Variants in SIAH3 observed in about 807,000 individuals in gnomAD.
SIAH3 encodes the protein seven in absentia homolog 3.
Under a neutral mutation model 12.6 loss-of-function variants are expected in SIAH3, and 9 were observed. The ratio of observed to expected loss-of-function variants is 0.72; its 90% CI spans 0.43 to 1.25. The LOEUF (loss-of-function observed/expected upper bound fraction) is 1.25. Among genes scored for constraint, SIAH3 ranks in the 50% most tolerant of loss-of-function variants. The probability of loss-of-function intolerance (pLI) is 0.00; values close to 1 mark genes in which losing one functional copy is unlikely to be tolerated. For missense variants in SIAH3, 390 were observed against 365.4 expected (o/e 1.07, Z -0.55); for synonymous variants, 154 against 151.1 (o/e 1.02, Z -0.14).
At chr13:45,819,977 C>T (rs1045483510) in intron 1 of SIAH3, among the ~76,000 whole-genome samples, 2 of 152,142 alleles carry the variant, frequency 1.3e-5, no homozygotes, top group African/African-American at 2.4e-5. Flanking sequence ...GATGGTGCCT[C>T]GCTGCTGCAT....
At chr13:45,849,058 T>C (rs879630926) in intron 1 of SIAH3, among the ~76,000 whole-genome samples, 1 of 152,224 alleles carries the variant, frequency 6.6e-6, no homozygotes, top group African/African-American at 2.4e-5. Context: ...CCTATGGAGT[T>C]AGTCCTTTTA....
At position 45,781,661 on chromosome 13, in the gene SIAH3, C is replaced by T. The variant is rs1227166170; in HGVS notation, c.*1722G>A. ...AGCGATTACTGTGTGACCAGAGCAG[C>T]CTCTGTTATTAAATCTTGTATCGAC... On this transcript the variant is annotated 3_prime_UTR_variant, in exon 2 of 2. Transcript: ENST00000400405. 6.6e-6 allele frequency: 1 copy of T among 152,244 alleles called. No homozygotes were observed. Among genetic ancestry groups the T allele is most frequent in the Non-Finnish European group, 1.5e-5 (1 of 68,056 alleles). 9.4% of individuals were successfully genotyped at this position (152,244 alleles called of 1,614,324 possible).
At chr13:45,816,163 G>C (rs551514407) in intron 1 of SIAH3, among the ~76,000 whole-genome samples, 55 of 152,338 alleles carry the variant, frequency 3.6e-4, no homozygotes, top group African/African-American at 1.3e-3. Context: ...GCCTGATTGA[G>C]ACCTGAAGGA....
intron 1 of SIAH3, among the ~76,000 whole-genome samples, chr13:45,830,209 A>G (rs1950693576): frequency 1.3e-5 from 2 of 152,152 alleles, no homozygotes; most frequent in Non-Finnish European, 2.9e-5. Flanking sequence ...TCTCATCCCT[A>G]GTTCCATCCC....
chr13:45,810,200 G>A (rs1037612833), intron 1 of SIAH3, among the ~76,000 whole-genome samples: 1 of 152,138 alleles, frequency 6.6e-6, no homozygotes, highest in Non-Finnish European at 1.5e-5. Flanking sequence ...GTCCCACCTG[G>A]ACTACCCAAA....
chr13:45,803,275 T>C (rs1950588447), intron 1 of SIAH3, among the ~76,000 whole-genome samples: 1 of 152,212 alleles, frequency 6.6e-6, no homozygotes, highest in Admixed American at 6.5e-5. Flanking sequence ...TATTCATTCA[T>C]TCATTCGTTC....
intron 1 of SIAH3, among the ~76,000 whole-genome samples, chr13:45,805,009 CAA>C (rs1491434727): frequency 0.037 from 4,966 of 134,242 alleles, 93 homozygotes; most frequent in Middle Eastern, 0.056. Context: ...CACACACACA[CAA>C]AATACTTTGG....
At chr13:45,842,259 A>C (rs1950742677) in intron 1 of SIAH3, among the ~76,000 whole-genome samples, 1 of 152,240 alleles carries the variant, frequency 6.6e-6, no homozygotes, top group Non-Finnish European at 1.5e-5. Context: ...ACATCTCTGC[A>C]GGACTCACCT....
In SIAH3 at chr13:45,822,520, A is replaced by AATATATATATATATATATAT. The variant is rs36106322; in HGVS notation, c.135+28955_135+28974dup. On this transcript the variant is annotated intron_variant, in intron 1 of 1. Transcript: ENST00000400405. The stretch of plus-strand genomic sequence containing the variant: ...AAGTGAGCTAACATTTTCATTATCA[A>AATATATATATATATATATAT]ATATATATATATATATATATATATA... Among the ~76,000 whole-genome samples the AATATATATATATATATATAT allele has an allele frequency of 9.1e-3, 778 of 85,244 alleles. 34 individuals are homozygous for AATATATATATATATATATAT. Among genetic ancestry groups the AATATATATATATATATATAT allele is most frequent in the Admixed American group, 0.012 (76 of 6,168 alleles). 55.9% of individuals were successfully genotyped at this position (85,244 alleles called of 152,430 possible).
At chr13:45,793,778 G>T (rs1950553895) in intron 1 of SIAH3, among the ~76,000 whole-genome samples, 1 of 152,164 alleles carries the variant, frequency 6.6e-6, no homozygotes, top group Admixed American at 6.5e-5. Context: ...GCCCCCAAAA[G>T]ATGTGTTCAC....
chr13:45,801,613 A>T (rs1407586593), intron 1 of SIAH3, among the ~76,000 whole-genome samples: 1 of 152,204 alleles, frequency 6.6e-6, no homozygotes, highest in Non-Finnish European at 1.5e-5. Flanking sequence ...ATGTGTGTGT[A>T]TACAGCCTTT....
intron 1 of SIAH3, among the ~76,000 whole-genome samples, chr13:45,788,821 T>C (rs920485052): frequency 1.3e-5 from 2 of 152,214 alleles, no homozygotes; most frequent in African/African-American, 4.8e-5. Context: ...TACCCAATTT[T>C]ATATGGCAGG....
At chr13:45,834,823 G>A (rs1227859611) in intron 1 of SIAH3, among the ~76,000 whole-genome samples, 2 of 152,106 alleles carry the variant, frequency 1.3e-5, no homozygotes, top group Non-Finnish European at 2.9e-5. Flanking sequence ...TGTGGCTTTG[G>A]ACTCACTGCT....
chr13:45,826,130 T>C (rs1239001399), intron 1 of SIAH3, among the ~76,000 whole-genome samples: 3 of 152,232 alleles, frequency 2.0e-5, no homozygotes, highest in Non-Finnish European at 4.4e-5. Context: ...GATGACTCAG[T>C]CCATAGAAGC....
At chr13:45,784,411 T>G (rs1226220126) in intron 1 of SIAH3, among the ~76,000 whole-genome samples, 1 of 150,096 alleles carries the variant, frequency 6.7e-6, no homozygotes, top group African/African-American at 2.5e-5. Context: ...TTTTTTTTTT[T>G]TTTTTTTTTT....
Position 45,783,626 on chromosome 13 carries a change from C to T in SIAH3, c.567G>A (p.Leu189=). ...GHPQFFATMM[L]IGTPTQADCF... ...AGTCGGCCTGGGTGGGGGTCCCAAT[C>T]AGCATCATGGTGGCAAAGAACTGGG... Residue 189 remains leucine, a synonymous_variant, in exon 2 of 2, where the codon CTG becomes CTA. Transcript: ENST00000400405. 6.2e-7 allele frequency: 1 copy of T among 1,614,180 alleles called. No homozygotes were observed. Among genetic ancestry groups the T allele is most frequent in the Non-Finnish European group, 8.5e-7 (1 of 1,180,016 alleles).
intron 1 of SIAH3, among the ~76,000 whole-genome samples, chr13:45,838,784 C>G (rs1024538394): frequency 8.6e-5 from 13 of 151,932 alleles, no homozygotes; most frequent in African/African-American, 3.1e-4. Flanking sequence ...CTCCTTGGCT[C>G]CTGCTTGAGT....
chr13:45,783,834 A>T lies in SIAH3; in HGVS notation c.359T>A (p.Leu120Gln). ...CCGCAGGTGGGGCACCACCACCTCCAGGCGGCCTTCCCACTGGCAGGAGAA... is the reference window on the plus strand; with the variant it reads ...CCGCAGGTGGGGCACCACCACCTCCTGGCGGCCTTCCCACTGGCAGGAGAA... ...PLFSCQWEGR[L>Q]EVVVPHLRQI... is the part of the protein sequence containing the mutation. Residue 120 changes from leucine to glutamine, a missense_variant, in exon 2 of 2, where the codon CTG becomes CAG. Leu to Gln is a moderately radical substitution (Grantham distance 113). Transcript: ENST00000400405. 1 of 1,614,134 alleles carries T rather than the reference A, an allele frequency of 6.2e-7. No individual in the cohort carries two copies. Among genetic ancestry groups the T allele is most frequent in the Non-Finnish European group, 8.5e-7 (1 of 1,179,988 alleles).
intron 1 of SIAH3, among the ~76,000 whole-genome samples, chr13:45,843,072 G>T (rs73474607): frequency 0.032 from 4,859 of 151,106 alleles, 267 homozygotes; most frequent in African/African-American, 0.11. Context: ...AGAAACTCAG[G>T]TTGGAGTGTA....
Sources: allele counts gnomAD v4.1 joint callset (sites outside exome capture counted in the v4.1 genomes callset), GRCh38; gene constraint gnomAD v4.1.1; transcripts MANE v1.5; gene names NCBI Gene and HGNC (gene_info 2026-07-23, HGNC 2026-07-21).